The following MAP3K5 variants were observed in gnomAD, a reference collection of about 807,000 sequenced individuals.
The protein encoded by MAP3K5 is mitogen-activated protein kinase kinase kinase 5, also known as ASK-1.
MAP3K5 carries 56 observed loss-of-function variants against 158.7 expected under a neutral mutation model. That is an observed-to-expected ratio of 0.35 (90% CI 0.28 to 0.44). The LOEUF is 0.44. Ranked by LOEUF, MAP3K5 falls within the 20% of genes least tolerant of loss-of-function variation. The pLI is 1.00. For missense variants in MAP3K5, 1,294 were observed against 1,674.8 expected (o/e 0.77, Z 3.97); for synonymous variants, 579 against 601.7 (o/e 0.96, Z 0.55).
chr6:136,729,153 G>A (rs1782099078), intron 1 of MAP3K5, among the ~76,000 whole-genome samples: 1 of 152,192 alleles, frequency 6.6e-6, no homozygotes, highest in Admixed American at 6.5e-5. Flanking sequence ...TCAGGACCTA[G>A]AGCCACAGCT....
intron 1 of MAP3K5, among the ~76,000 whole-genome samples, chr6:136,738,402 G>C (rs117479969): frequency 6.6e-6 from 1 of 152,044 alleles, no homozygotes; most frequent in Non-Finnish European, 1.5e-5. Flanking sequence ...AGAAATACCC[G>C]GCAGAGGAGG....
rs529606971 is a variant in MAP3K5, at chr6:136,757,918, C to T, written c.448+33792G>A. The stretch of plus-strand genomic sequence containing the variant: ...AGATCTTAGAGGCTTCTTTTCATAA[C>T]TGAAATATCTGAATATATTTTAGGG... On this transcript the variant is annotated intron_variant, in intron 1 of 29. Transcript: ENST00000359015. 6.6e-5 allele frequency among the ~76,000 whole-genome samples: 10 copies of T among 152,152 alleles called. 1 individual carries two copies. In the South Asian group the frequency reaches 2.1e-3, roughly 32 times the overall value.
chr6:136,577,363 T>C (rs1774665144), intron 25 of MAP3K5, among the ~76,000 whole-genome samples: 2 of 152,220 alleles, frequency 1.3e-5, no homozygotes. Flanking sequence ...ACTTATCTTA[T>C]CCTGAGGGAA....
Position 136,587,720 on chromosome 6 carries a change from G to A in MAP3K5, c.3226-3980C>T, listed in dbSNP as rs189330438. ...GCCCCACCATCATGTGGCCATTATG[G>A]ATTCAGCATGTGATTCTGATCAGCA... On this transcript the variant is annotated intron_variant, in intron 23 of 29. Transcript: ENST00000359015. 9.8e-5 allele frequency among the ~76,000 whole-genome samples: 15 copies of A among 152,324 alleles called. No individual in the cohort carries two copies. In the East Asian group the frequency reaches 2.9e-3, roughly 29 times the overall value.
At chr6:136,679,146 T>C (rs1372725161) in intron 7 of MAP3K5, among the ~76,000 whole-genome samples, 1 of 152,236 alleles carries the variant, frequency 6.6e-6, no homozygotes, top group African/African-American at 2.4e-5. Flanking sequence ...ATTAGTACTG[T>C]ATTTGTCACC....
At chr6:136,765,740 G>A (rs1291525188) in intron 1 of MAP3K5, among the ~76,000 whole-genome samples, 1 of 146,100 alleles carries the variant, frequency 6.8e-6, no homozygotes, top group Non-Finnish European at 1.5e-5. Flanking sequence ...ATGTTGACCA[G>A]GCTGGTCTCG....
chr6:136,780,778 ACTTT>A (rs1278581450), intron 1 of MAP3K5, among the ~76,000 whole-genome samples: 2 of 152,326 alleles, frequency 1.3e-5, no homozygotes, highest in East Asian at 3.9e-4. Flanking sequence ...TATTTTATAT[ACTTT>A]CTTTATAACT....
chr6:136,660,883 T>C (rs181796053), intron 8 of MAP3K5, among the ~76,000 whole-genome samples: 158 of 152,230 alleles, frequency 1.0e-3, no homozygotes, highest in Non-Finnish European at 1.9e-3. Context: ...CCAGTAGAGA[T>C]GCAAATTTCT....
At position 136,592,228 on chromosome 6, in the gene MAP3K5, A is replaced by G. The variant is rs1008783754; in HGVS notation, c.3170T>C (p.Ile1057Thr). 6.2e-7 allele frequency: 1 copy of G among 1,609,518 alleles called. No homozygotes were observed. Among genetic ancestry groups the G allele is most frequent in the African/African-American group, 1.3e-5 (1 of 74,574 alleles). The change falls in exon 23 of 30, where the codon ATC (isoleucine) becomes ACC (threonine). Residue 1057 changes from isoleucine (I) to threonine (T), a missense_variant. By Grantham distance (89) the Ile-to-Thr change is moderately conservative. This residue lies in a region of MAP3K5 where 362 missense variants were observed against 463.2 expected (regional missense o/e 0.78). Coordinates refer to ENST00000359015, the MANE Select transcript of MAP3K5 (RefSeq NM_005923.4). ...DSERRATLHR[I>T]LTEDQDKIVR... is the part of the protein sequence containing the mutation. ...AATTTTGTCTTGGTCTTCCGTCAGG[A>G]TCCTGTGAAGGGTAGCTCGCCTCTC...
chr6:136,613,220 G>A lies in MAP3K5; in HGVS notation c.2315C>T (p.Pro772Leu). The A allele has an allele frequency of 6.2e-7, 1 of 1,613,040 alleles. No individual in the cohort carries two copies. The highest frequency in any genetic ancestry group is 8.5e-7 in the Non-Finnish European group (1 of 1,179,546). Residue 772 changes from proline (P) to leucine (L), a missense_variant, in exon 17 of 30, where the codon CCA (proline) becomes CTA (leucine). Physicochemically the swap from Pro to Leu is moderately conservative, Grantham distance 98. Transcript: ENST00000359015. This position sits in a 1 kb window ranked among gnomAD's most constrained non-coding sequence, Gnocchi z 4.0. Reference protein sequence around the residue: ...LSALLRSKWGPLKDNEQTIGF... With the variant: ...LSALLRSKWGLLKDNEQTIGF... Reference sequence around the variant, plus strand: ...AATTGTTTGCTCATTGTCTTTTAATGGACCCCATTTGGAACGAAGGAGAGC... The same window carrying A: ...AATTGTTTGCTCATTGTCTTTTAATAGACCCCATTTGGAACGAAGGAGAGC...
At chr6:136,593,490 A>G (rs1160107669) in intron 21 of MAP3K5, among the ~76,000 whole-genome samples, 1 of 152,186 alleles carries the variant, frequency 6.6e-6, no homozygotes, top group South Asian at 2.1e-4. Context: ...TCCACCAGCC[A>G]CAGTTACTTG....
chr6:136,698,222 G>A (rs1462518174), intron 4 of MAP3K5, among the ~76,000 whole-genome samples: 1 of 152,164 alleles, frequency 6.6e-6, no homozygotes, highest in African/African-American at 2.4e-5. Flanking sequence ...TATTGTTTCT[G>A]TACTTGCTTT....
intron 11 of MAP3K5, among the ~76,000 whole-genome samples, chr6:136,645,802 G>A (rs1778225823): frequency 6.6e-6 from 1 of 152,104 alleles, no homozygotes; most frequent in Admixed American, 6.6e-5. Flanking sequence ...AGCTCACAGA[G>A]CTATTTATTC....
intron 7 of MAP3K5, among the ~76,000 whole-genome samples, chr6:136,671,424 T>C (rs1779478312): frequency 6.6e-6 from 1 of 152,210 alleles, no homozygotes; most frequent in Non-Finnish European, 1.5e-5. Context: ...AATTGAGTAC[T>C]GTATTGAGGA....
At chr6:136,706,858 C>A (rs374525443) in intron 2 of MAP3K5, among the ~76,000 whole-genome samples, 4 of 152,320 alleles carry the variant, frequency 2.6e-5, no homozygotes, top group African/African-American at 9.6e-5. Flanking sequence ...ACACAAAACA[C>A]TAAAAATGCC....
intron 1 of MAP3K5, among the ~76,000 whole-genome samples, chr6:136,749,878 A>G (rs941794820): frequency 6.6e-6 from 1 of 152,168 alleles, no homozygotes; most frequent in Non-Finnish European, 1.5e-5. Context: ...TCATCCACCC[A>G]GTATTTAATG....
Position 136,748,036 on chromosome 6 carries a change from T to TA in MAP3K5, c.449-27448dup, listed in dbSNP as rs557238392. Among the ~76,000 whole-genome samples the TA allele has an allele frequency of 3.0e-3, 446 of 150,604 alleles. 2 individuals carry two copies. Among genetic ancestry groups the TA allele is most frequent in the Non-Finnish European group, 3.9e-3 (261 of 67,510 alleles). ...AAGAGATGGATTTCAAAATGATCTC[T>TA]AAAAAAAAACAAAATTTCCATTTTC... is the stretch of plus-strand genomic sequence containing the variant. On this transcript the variant is annotated intron_variant, in intron 1 of 29. Transcript: ENST00000359015.
rs79067595 is a variant in MAP3K5 at position 136,609,065 on chromosome 6, C to T, written c.2521+2217G>A. ...GTCCAAGAAAAGGGCTCTGTGAGGA[C>T]TGCTTTCCTACAATTCCTTTGGAGA... On this transcript the variant is annotated intron_variant, in intron 18 of 29. Transcript: ENST00000359015. This position sits in a 1 kb window ranked among gnomAD's most constrained non-coding sequence, Gnocchi z 4.4. 8.3e-3 allele frequency among the ~76,000 whole-genome samples: 1,263 copies of T among 152,312 alleles called. 15 individuals carry two copies. Among genetic ancestry groups the T allele is most frequent in the African/African-American group, 0.028 (1,162 of 41,562 alleles).
intron 2 of MAP3K5, among the ~76,000 whole-genome samples, chr6:136,712,114 T>C (rs1781333977): frequency 6.6e-6 from 1 of 152,054 alleles, no homozygotes; most frequent in African/African-American, 2.4e-5. Flanking sequence ...AGTAGGTATC[T>C]GTCTCTAAAC....
Sources: gnomAD v4.1 joint callset for allele counts (sites outside exome capture counted in the v4.1 genomes callset) on GRCh38, gnomAD v4.1.1 for gene constraint, gnomAD v4.1.1 regional missense constraint, Gnocchi (gnomAD v3.1) non-coding constraint, MANE v1.5 for transcripts, NCBI Gene and HGNC (gene_info 2026-07-23, HGNC 2026-07-21) for gene names.